ZNF224: variants seen among roughly 807,000 people sequenced by gnomAD.
ZNF224 encodes bone marrow zinc finger 2.
In ZNF224, 8 loss-of-function variants were observed where a neutral mutation model predicts 10.5. That is an observed-to-expected ratio of 0.76 (90% confidence interval 0.45 to 1.37). The LOEUF (loss-of-function observed/expected upper bound fraction) is 1.37, where lower values mean the gene tolerates loss of function less well. ZNF224 is among the 40% of genes most tolerant of loss of function. The pLI, the probability that ZNF224 is intolerant of heterozygous loss-of-function variation, is 0.00. For missense variants in ZNF224, 754 were observed against 854.0 expected, an observed-to-expected ratio of 0.88 and a Z score of 1.46; for synonymous variants, 282 against 287.8, an observed-to-expected ratio of 0.98 and a Z score of 0.20.
In ZNF224 at chr19:44,107,261, G is replaced by A. The variant is rs201686116; in HGVS notation, c.1101G>A (p.Thr367=). Residue 367 remains threonine, a synonymous_variant, in exon 6 of 6, where the codon ACG becomes ACA. Coordinates refer to ENST00000693561, the MANE Select transcript of ZNF224 (RefSeq NM_001321645.3). The part of the protein sequence containing the change: ...RDLYTHHMVH[T]GEKPYNCKEC... The stretch of plus-strand genomic sequence containing the variant: ...TTTATACGCATCATATGGTCCACAC[G>A]GGAGAAAAGCCATATAATTGTAAAG... 62 of 1,588,228 alleles carry A rather than the reference G, an allele frequency of 3.9e-5. No individual in the cohort carries two copies. Among genetic ancestry groups the A allele is most frequent in the South Asian group, 2.7e-4 (23 of 86,632 alleles).
rs756101068 is a variant in ZNF224, at chr19:44,108,212, G to C, written c.2052G>C (p.Glu684Asp). ...GAGAGAAAACATGGAAGTGTAGGGAGTGTGATATGTGCTTTAGTCAGGCCT... is the reference window on the plus strand; with the variant it reads ...GAGAGAAAACATGGAAGTGTAGGGACTGTGATATGTGCTTTAGTCAGGCCT... ...HMGEKTWKCR[E>D]CDMCFSQASS... Residue 684 changes from glutamate to aspartate, a missense_variant, in exon 6 of 6, where the codon GAG (glutamate) becomes GAC (aspartate). By Grantham distance (45) the Glu-to-Asp change is conservative. Transcript: ENST00000693561. 4.3e-6 allele frequency: 7 copies of C among 1,613,950 alleles called. No homozygotes were observed. The highest frequency in any genetic ancestry group is 2.2e-5 in the East Asian group (1 of 44,866).
In ZNF224 at chr19:44,107,524, T is replaced by C; in HGVS notation, c.1364T>C (p.Leu455Pro). ...FHQRVHTGEK[L>P]YNCKECGKSF... is the part of the protein sequence containing the mutation. ...CAGCGCGTCCATACAGGAGAGAAAC[T>C]GTATAATTGTAAGGAATGTGGGAAG... Residue 455 changes from leucine to proline, a missense_variant, in exon 6 of 6, where the codon CTG (leucine) becomes CCG (proline). By Grantham distance (98) the Leu-to-Pro change is moderately conservative. Transcript: ENST00000693561. The C allele has an allele frequency of 6.2e-7, 1 of 1,609,332 alleles. No homozygotes were observed.
At chr19:44,106,124 C>G (rs1417497216) in intron 5 of ZNF224, 6 of 312,854 alleles carry the variant, frequency 1.9e-5, no homozygotes, top group Non-Finnish European at 3.2e-5. Context: ...TTTACATTCA[C>G]ACCAGCAGCA....
At chr19:44,100,703 A>G (rs1446369174) in intron 3 of ZNF224, 98 bp from the exon 4 acceptor site, 19 of 1,467,956 alleles carry the variant, frequency 1.3e-5, no homozygotes, top group Non-Finnish European at 1.6e-5. Flanking sequence ...TCAAGATCCA[A>G]AACAACTTCC....
Position 44,108,235 on chromosome 19 carries a change from C to A in ZNF224, c.2075C>A (p.Ala692Asp). Reference sequence around the variant, plus strand: ...GAGTGTGATATGTGCTTTAGTCAGGCCTCAAGCCTTCGACTTCATCAGAAT... The same window carrying A: ...GAGTGTGATATGTGCTTTAGTCAGGACTCAAGCCTTCGACTTCATCAGAAT... ...CRECDMCFSQ[A>D]SSLRLHQNVH... Residue 692 changes from alanine to aspartate, a missense_variant, in exon 6 of 6, where the codon GCC (alanine) becomes GAC (aspartate). By Grantham distance (126) the Ala-to-Asp change is moderately radical (BLOSUM62 -2). Transcript: ENST00000693561. 1 of 1,613,356 alleles carries A rather than the reference C, an allele frequency of 6.2e-7. No individual in the cohort carries two copies. Among genetic ancestry groups the A allele is most frequent in the Non-Finnish European group, 8.5e-7 (1 of 1,179,708 alleles).
intron 5 of ZNF224, among the ~76,000 whole-genome samples, chr19:44,104,138 G>A (rs1266786968): frequency 1.3e-5 from 2 of 152,136 alleles, no homozygotes; most frequent in African/African-American, 4.8e-5. Flanking sequence ...ACCCCTGTCA[G>A]GTCCAACCTT....
At chr19:44,099,633 G>A (rs1340187273) in intron 3 of ZNF224, among the ~76,000 whole-genome samples, 1 of 152,090 alleles carries the variant, frequency 6.6e-6, no homozygotes, top group Non-Finnish European at 1.5e-5. Flanking sequence ...AAGGAGGATT[G>A]TTTGAAACCA....
At chr19:44,102,524 AAC>A (rs1335381634) in intron 5 of ZNF224, among the ~76,000 whole-genome samples, 3 of 152,228 alleles carry the variant, frequency 2.0e-5, no homozygotes, top group Non-Finnish European at 4.4e-5. Flanking sequence ...TAATAAGTGA[AAC>A]ACAAACTACG....
chr19:44,108,184 T>C lies in ZNF224; in HGVS notation c.2024T>C (p.Met675Thr), dbSNP rs776666741. The change falls in exon 6 of 6, where the codon ATG becomes ACG. Residue 675 changes from methionine to threonine, a missense_variant. Coordinates refer to ENST00000693561, the MANE Select transcript of ZNF224 (RefSeq NM_001321645.3). ...CTTGATATGCATCAGAGGGTCCACA[T>C]GGGAGAGAAAACATGGAAGTGTAGG... Reference protein sequence around the residue: ...LNLDMHQRVHMGEKTWKCREC... With the variant: ...LNLDMHQRVHTGEKTWKCREC... The C allele has an allele frequency of 1.2e-6, 2 of 1,614,014 alleles. No individual in the cohort carries two copies. The highest frequency in any genetic ancestry group is 4.5e-5 in the East Asian group (2 of 44,904).
intron 5 of ZNF224, 34 bp downstream of exon 5, chr19:44,101,259 C>A (rs772345174): frequency 6.3e-7 from 1 of 1,592,994 alleles, no homozygotes; most frequent in Non-Finnish European, 8.6e-7. Context: ...CCCTGTATGT[C>A]TCTTCCACCT....
Position 44,107,495 on chromosome 19 carries a change from T to C in ZNF224, c.1335T>C (p.Phe445=). 2 of 1,602,956 alleles carry C rather than the reference T, an allele frequency of 1.2e-6. No individual in the cohort carries two copies. Among genetic ancestry groups the C allele is most frequent in the Non-Finnish European group, 8.5e-7 (1 of 1,175,498 alleles). The stretch of plus-strand genomic sequence containing the variant: ...ACAAAAGGAGGTTGGATCTTGACTT[T>C]CACCAGCGCGTCCATACAGGAGAGA... ...KGYKRRLDLD[F]HQRVHTGEKL... is the part of the protein sequence containing the mutation. The change falls in exon 6 of 6, where the codon TTT becomes TTC. Residue 445 remains phenylalanine (F), a synonymous_variant. Coordinates refer to ENST00000693561, the MANE Select transcript of ZNF224 (RefSeq NM_001321645.3).
At position 44,106,420 on chromosome 19, in the gene ZNF224, A is replaced by C; in HGVS notation, c.260A>C (p.Glu87Ala). 6.2e-7 allele frequency: 1 copy of C among 1,614,160 alleles called. No individual in the cohort carries two copies. Among genetic ancestry groups the C allele is most frequent in the East Asian group, 2.2e-5 (1 of 44,868 alleles). Residue 87 changes from glutamate to alanine, a missense_variant, in exon 6 of 6, where the codon GAG (glutamate) becomes GCG (alanine). Physicochemically the swap from Glu to Ala is moderately radical, Grantham distance 107. Coordinates refer to ENST00000693561, the MANE Select transcript of ZNF224 (RefSeq NM_001321645.3). ...GGAGACAAGATCCAAACTGAGATGGAGACTGTTTCAGAAGCAGGAACACAT... is the reference window on the plus strand; with the variant it reads ...GGAGACAAGATCCAAACTGAGATGGCGACTGTTTCAGAAGCAGGAACACAT... ...NSGDKIQTEMETVSEAGTHQE... is the reference protein window; with the variant it reads ...NSGDKIQTEMATVSEAGTHQE...
chr19:44,101,048 G>T, intron 4 of ZNF224, 85 bp from the exon 5 acceptor site: 1 of 1,610,356 alleles, frequency 6.2e-7, no homozygotes, highest in South Asian at 1.1e-5. Context: ...TGAGTGTGCA[G>T]TAAGAACCTA....
intron 3 of ZNF224, among the ~76,000 whole-genome samples, chr19:44,098,653 G>A (rs1293185270): frequency 6.6e-6 from 1 of 151,636 alleles, no homozygotes; most frequent in East Asian, 1.9e-4. Context: ...GTGCGATCTC[G>A]GCTCACTGCA....
intron 2 of ZNF224, 140 bp downstream of exon 2, chr19:44,096,571 A>G (rs1430044047): frequency 6.6e-6 from 1 of 152,228 alleles, no homozygotes; most frequent in Non-Finnish European, 1.5e-5. Context: ...TGTATTATCT[A>G]TTATACAGTG....
chr19:44,098,361 T>C (rs923259886), intron 3 of ZNF224, among the ~76,000 whole-genome samples: 7 of 152,250 alleles, frequency 4.6e-5, no homozygotes, highest in Non-Finnish European at 8.8e-5. Flanking sequence ...AAGGCTACTT[T>C]TGATGTGTGC....
chr19:44,106,579 T>C lies in ZNF224; in HGVS notation c.419T>C (p.Val140Ala). 6.2e-7 allele frequency: 1 copy of C among 1,612,796 alleles called. No homozygotes were observed. The highest frequency in any genetic ancestry group is 8.5e-7 in the Non-Finnish European group (1 of 1,179,188). ...TGCCAGACTGAGGCAGGACTATCTGTAATTCACACAAGACAGAAATCTTCC... is the reference window on the plus strand; with the variant it reads ...TGCCAGACTGAGGCAGGACTATCTGCAATTCACACAAGACAGAAATCTTCC... Reference protein sequence around the residue: ...FPCQTEAGLSVIHTRQKSSQG... With the variant: ...FPCQTEAGLSAIHTRQKSSQG... Residue 140 changes from valine to alanine, a missense_variant, in exon 6 of 6, where the codon GTA becomes GCA. Coordinates refer to ENST00000693561, the MANE Select transcript of ZNF224 (RefSeq NM_001321645.3).
intron 2 of ZNF224, chr19:44,097,592 A>G (rs1020887077): frequency 1.3e-5 from 5 of 393,064 alleles, no homozygotes; most frequent in African/African-American, 1.0e-4. Context: ...TCATTTCTTT[A>G]AATTTCCAAG....
chr19:44,098,443 CA>C (rs1224992293), intron 3 of ZNF224, among the ~76,000 whole-genome samples: 3 of 152,200 alleles, frequency 2.0e-5, no homozygotes, highest in Admixed American at 2.0e-4. Flanking sequence ...TGGCTTCACA[CA>C]AGGATTGCTG....
Sources: allele counts gnomAD v4.1 joint callset (sites outside exome capture counted in the v4.1 genomes callset), GRCh38; gene constraint gnomAD v4.1.1; transcripts MANE v1.5; gene names NCBI Gene and HGNC (gene_info 2026-07-23, HGNC 2026-07-21).